Variants in NRXN1 observed in about 807,000 individuals in gnomAD.
The protein encoded by NRXN1 is neurexin-1.
A neutral mutation model predicts 150.9 loss-of-function variants in NRXN1; 39 were observed. The ratio of observed to expected loss-of-function variants is 0.26; its 90% CI spans 0.20 to 0.34. NRXN1 has a LOEUF of 0.34. Ranked by LOEUF, NRXN1 falls within the 10% of genes least tolerant of loss-of-function variation. The pLI is 1.00. For synonymous variants in NRXN1, 924 were observed against 757.0 expected (o/e 1.22, Z -3.62); for missense variants, 1,815 against 1,949.9 (o/e 0.93, Z 1.30).
At chr2:50,138,433 G>A (rs1382283816) in intron 18 of NRXN1, among the ~76,000 whole-genome samples, 2 of 152,120 alleles carry the variant, frequency 1.3e-5, no homozygotes, top group Non-Finnish European at 2.9e-5. Context: ...TGGGCCTTGG[G>A]GCTGAGAAGG....
At chr2:50,916,305 TAGA>T (rs1025973865) in intron 5 of NRXN1, among the ~76,000 whole-genome samples, 10 of 151,230 alleles carry the variant, frequency 6.6e-5, no homozygotes, top group African/African-American at 1.9e-4. Context: ...ATTATATTTT[TAGA>T]AGATCTCTAA....
rs142512521 is a variant in NRXN1 at position 50,234,787 on chromosome 2, G to T, written c.3546+2002C>A. On this transcript the variant is annotated intron_variant, in intron 18 of 22. Transcript: ENST00000401669. Reference sequence around the variant, plus strand: ...GACATGCACTGAATCCAAAGAGAACGACCAGGCAAGACCAAGATCGGAGAT... The same window carrying T: ...GACATGCACTGAATCCAAAGAGAACTACCAGGCAAGACCAAGATCGGAGAT... 9.5e-4 allele frequency among the ~76,000 whole-genome samples: 145 copies of T among 152,010 alleles called. 1 individual carries two copies. Among genetic ancestry groups the T allele is most frequent in the Admixed American group, 1.8e-3 (27 of 15,228 alleles).
chr2:50,700,958 G>A (rs951913109), intron 5 of NRXN1, among the ~76,000 whole-genome samples: 22 of 152,146 alleles, frequency 1.4e-4, no homozygotes, highest in Admixed American at 9.2e-4. Context: ...GAGCAACTGC[G>A]CCCGGCCAGG....
At chr2:50,575,105 G>A (rs1671213263) in intron 8 of NRXN1, among the ~76,000 whole-genome samples, 1 of 152,184 alleles carries the variant, frequency 6.6e-6, no homozygotes, top group African/African-American at 2.4e-5. Context: ...CTAAAGTTGT[G>A]TATTAAATGA....
At chr2:50,780,712 T>C (rs540159205) in intron 5 of NRXN1, among the ~76,000 whole-genome samples, 7 of 152,318 alleles carry the variant, frequency 4.6e-5, no homozygotes, top group Admixed American at 3.9e-4. Flanking sequence ...TGAAAATATT[T>C]TTCTTTGAAT....
chr2:50,958,742 G>A (rs1423715757), intron 2 of NRXN1, among the ~76,000 whole-genome samples: 1 of 152,016 alleles, frequency 6.6e-6, no homozygotes, highest in East Asian at 1.9e-4. Context: ...CTGAATGGAA[G>A]CAGCAAGAGT....
At chr2:50,795,955 A>T (rs1706766992) in intron 5 of NRXN1, among the ~76,000 whole-genome samples, 1 of 152,048 alleles carries the variant, frequency 6.6e-6, no homozygotes. Flanking sequence ...GCAGTATTTC[A>T]TCACGCAATG....
At chr2:50,027,380 T>C (rs201833448) in intron 21 of NRXN1, among the ~76,000 whole-genome samples, 39 of 135,856 alleles carry the variant, frequency 2.9e-4, no homozygotes, top group East Asian at 1.4e-3. Flanking sequence ...CTTCCTTCCT[T>C]CCTCCCTCCC....
At chr2:50,107,432 T>C (rs1701806309) in intron 18 of NRXN1, among the ~76,000 whole-genome samples, 1 of 150,746 alleles carries the variant, frequency 6.6e-6, no homozygotes. Flanking sequence ...TTAGGGGCTG[T>C]TTAAAATTAT....
intron 5 of NRXN1, among the ~76,000 whole-genome samples, chr2:50,809,392 T>A (rs1252092031): frequency 1.3e-5 from 2 of 152,132 alleles, no homozygotes; most frequent in Non-Finnish European, 2.9e-5. Flanking sequence ...AGATTTAGCA[T>A]CATATGAATG....
At chr2:49,947,503 CTTTTT>C (rs376145888) in intron 21 of NRXN1, among the ~76,000 whole-genome samples, 3 of 134,074 alleles carry the variant, frequency 2.2e-5, no homozygotes, top group African/African-American at 8.1e-5. Flanking sequence ...TTTTTTCTTT[CTTTTT>C]TTTTTCTTTT....
At chr2:50,046,804 A>G (rs1691876805) in intron 21 of NRXN1, among the ~76,000 whole-genome samples, 1 of 152,174 alleles carries the variant, frequency 6.6e-6, no homozygotes, top group African/African-American at 2.4e-5. Context: ...ACAAGCTTTC[A>G]GACCTTAGAC....
intron 18 of NRXN1, among the ~76,000 whole-genome samples, chr2:50,146,200 A>G (rs1184185413): frequency 6.6e-6 from 1 of 151,658 alleles, no homozygotes; most frequent in Non-Finnish European, 1.5e-5. Context: ...ATGCATTTCC[A>G]AGTAGATTTT....
At chr2:50,331,041 A>G (rs554788475) in intron 17 of NRXN1, among the ~76,000 whole-genome samples, 1 of 152,332 alleles carries the variant, frequency 6.6e-6, no homozygotes, top group Admixed American at 6.5e-5. Context: ...TAACCCAATA[A>G]TAATGTCATT....
At chr2:51,022,236 T>A (rs1669725345) in intron 2 of NRXN1, among the ~76,000 whole-genome samples, 1 of 152,130 alleles carries the variant, frequency 6.6e-6, no homozygotes, top group African/African-American at 2.4e-5. Context: ...TGCCAGGCAC[T>A]AATCTAAGAG....
intron 8 of NRXN1, among the ~76,000 whole-genome samples, chr2:50,554,000 A>G (rs950584173): frequency 1.3e-5 from 2 of 152,190 alleles, no homozygotes; most frequent in Admixed American, 6.5e-5. Context: ...GGATAATCAC[A>G]TTTCTAAAAT....
intron 12 of NRXN1, among the ~76,000 whole-genome samples, chr2:50,517,494 T>C (rs947941611): frequency 9.2e-5 from 14 of 152,248 alleles, no homozygotes; most frequent in Admixed American, 2.6e-4. Flanking sequence ...CATCTTTTAA[T>C]GCCTCCATTC....
chr2:50,151,154 A>G (rs941696376), intron 18 of NRXN1, among the ~76,000 whole-genome samples: 1 of 151,738 alleles, frequency 6.6e-6, no homozygotes, highest in Non-Finnish European at 1.5e-5. Context: ...TTGATTTCTG[A>G]CAGTGCCTGA....
intron 17 of NRXN1, among the ~76,000 whole-genome samples, chr2:50,294,660 A>T (rs1162229515): frequency 6.6e-6 from 1 of 152,164 alleles, no homozygotes; most frequent in Admixed American, 6.5e-5. Flanking sequence ...TTTCTGGAGA[A>T]GGAATGGTAT....
Sources: allele counts gnomAD v4.1 joint callset (sites outside exome capture counted in the v4.1 genomes callset), GRCh38; gene constraint gnomAD v4.1.1; transcripts MANE v1.5; gene names NCBI Gene and HGNC (gene_info 2026-07-23, HGNC 2026-07-21).